ASCC3: variants seen among roughly 807,000 people sequenced by gnomAD.
ASCC3 encodes the protein activating signal cointegrator 1 complex subunit 3, also known as ASC-1 complex subunit P200.
In ASCC3, 158 loss-of-function variants were observed where a neutral mutation model predicts 256.3. The ratio of observed to expected loss-of-function variants is 0.62; its 90% confidence interval spans 0.54 to 0.70. The LOEUF (loss-of-function observed/expected upper bound fraction) is 0.70. Ranked by LOEUF, ASCC3 falls within the 30% of genes least tolerant of loss-of-function variation. The pLI is 0.00. For missense variants in ASCC3, 2,259 were observed against 2,626.0 expected (o/e 0.86, Z 3.05); for synonymous variants, 948 against 883.4 (o/e 1.07, Z -1.30).
At chr6:100,537,907 A>C (rs1033932608) in intron 37 of ASCC3, among the ~76,000 whole-genome samples, 3 of 150,184 alleles carry the variant, frequency 2.0e-5, no homozygotes, top group Non-Finnish European at 4.4e-5. Context: ...TATATACTGT[A>C]TAAATATATA....
chr6:100,830,028 G>C (rs939045142), intron 4 of ASCC3, among the ~76,000 whole-genome samples: 33 of 152,148 alleles, frequency 2.2e-4, no homozygotes, highest in African/African-American at 7.7e-4. Flanking sequence ...AGGCAGGACA[G>C]AGCAAGATGG....
chr6:100,785,984 A>T (rs756633239), intron 8 of ASCC3, among the ~76,000 whole-genome samples: 1 of 152,182 alleles, frequency 6.6e-6, no homozygotes, highest in Non-Finnish European at 1.5e-5. Context: ...AGAGAGGCAT[A>T]CCCTCTTCTT....
At chr6:100,770,488 GA>G (rs1303104792) in intron 8 of ASCC3, among the ~76,000 whole-genome samples, 1 of 118,100 alleles carries the variant, frequency 8.5e-6, no homozygotes, top group Non-Finnish European at 1.7e-5. Context: ...AGTGCAATTG[GA>G]AAAGGGGAAA....
intron 36 of ASCC3, among the ~76,000 whole-genome samples, chr6:100,583,212 G>T (rs1412057680): frequency 6.6e-6 from 1 of 152,126 alleles, no homozygotes; most frequent in Non-Finnish European, 1.5e-5. Flanking sequence ...AATCCATCTG[G>T]TCCTGGACTC....
At chr6:100,816,376 A>G (rs761872896) in intron 4 of ASCC3, among the ~76,000 whole-genome samples, 1 of 152,146 alleles carries the variant, frequency 6.6e-6, no homozygotes, top group African/African-American at 2.4e-5. Flanking sequence ...CTAAAAAAAA[A>G]CTACCACTCG....
chr6:100,769,635 C>T (rs1781829430), intron 8 of ASCC3, among the ~76,000 whole-genome samples: 1 of 150,986 alleles, frequency 6.6e-6, no homozygotes, highest in Admixed American at 6.6e-5. Flanking sequence ...TTATAAAGAT[C>T]AATGAAACAA....
chr6:100,747,174 G>A (rs1431597073), intron 10 of ASCC3, among the ~76,000 whole-genome samples: 7 of 149,768 alleles, frequency 4.7e-5, no homozygotes, highest in African/African-American at 2.4e-5. Context: ...AACATCATTA[G>A]TCATTGGGGA....
chr6:100,879,624 T>A (rs1236966822), intron 1 of ASCC3, among the ~76,000 whole-genome samples: 1 of 152,026 alleles, frequency 6.6e-6, no homozygotes, highest in African/African-American at 2.4e-5. Context: ...AAGTGAAGAC[T>A]GGAAAGAAAC....
chr6:100,718,841 A>G (rs1779199344), intron 11 of ASCC3, among the ~76,000 whole-genome samples: 1 of 152,148 alleles, frequency 6.6e-6, no homozygotes, highest in African/African-American at 2.4e-5. Context: ...AATTCCAAAA[A>G]CTAAAAATCA....
intron 14 of ASCC3, among the ~76,000 whole-genome samples, chr6:100,674,383 A>G (rs904493145): frequency 2.0e-5 from 3 of 152,024 alleles, no homozygotes; most frequent in African/African-American, 7.2e-5. Flanking sequence ...TTTAATAAGT[A>G]TACATATAAA....
Position 100,643,902 on chromosome 6 carries a change from A to T in ASCC3, c.3732+129T>A, listed in dbSNP as rs940522001. On this transcript the variant is annotated intron_variant, in intron 23 of 41. Transcript: ENST00000369162. ...TTAATCACTGTATTCTTTTAAAACT[A>T]ATAGGAAACTAAAACATAAAATAAA... The T allele has an allele frequency of 1.1e-5, 7 of 648,804 alleles. No homozygotes were observed. In the Admixed American group the frequency reaches 1.7e-4, roughly 16 times the overall value. The allele number at this position is 648,804 out of a possible 1,614,324, so 40.2% of individuals were successfully genotyped here. A position where few individuals can be genotyped will look rare whatever the true frequency, so the allele number is the denominator to read the frequency against.
intron 34 of ASCC3, among the ~76,000 whole-genome samples, chr6:100,601,545 A>G (rs1249756669): frequency 6.6e-6 from 1 of 152,090 alleles, no homozygotes; most frequent in African/African-American, 2.4e-5. Flanking sequence ...TAATGACTTC[A>G]GGTATCTCAT....
chr6:100,672,659 CATGTAACTGGTTGTTAA>C (rs1208909802), intron 14 of ASCC3, among the ~76,000 whole-genome samples: 10 of 152,118 alleles, frequency 6.6e-5, no homozygotes, highest in African/African-American at 2.4e-4. Flanking sequence ...TAATCACCAT[CATGTAACTGGTTGTTAA>C]ATTCAAGATC....
chr6:100,541,680 G>T (rs1775471875), intron 36 of ASCC3, among the ~76,000 whole-genome samples: 1 of 152,112 alleles, frequency 6.6e-6, no homozygotes, highest in Non-Finnish European at 1.5e-5. Context: ...CAGTACTCAA[G>T]AAGGTGAAAT....
chr6:100,793,034 G>T (rs1330801001), intron 8 of ASCC3, among the ~76,000 whole-genome samples: 2 of 151,882 alleles, frequency 1.3e-5, no homozygotes, highest in Non-Finnish European at 2.9e-5. Context: ...AACCCATGTG[G>T]AGTAGTAGTG....
chr6:100,795,995 A>G (rs1769592930), intron 8 of ASCC3, among the ~76,000 whole-genome samples: 2 of 152,196 alleles, frequency 1.3e-5, no homozygotes, highest in Non-Finnish European at 2.9e-5. Context: ...ATCTACAGTG[A>G]TATGATAGCA....
chr6:100,589,118 GTA>G (rs1476311236), intron 36 of ASCC3, among the ~76,000 whole-genome samples: 1 of 152,050 alleles, frequency 6.6e-6, no homozygotes, highest in Non-Finnish European at 1.5e-5. Context: ...AATGAACACA[GTA>G]TAGTTTTTTA....
chr6:100,560,962 C>T (rs548049200), intron 36 of ASCC3, among the ~76,000 whole-genome samples: 2 of 152,082 alleles, frequency 1.3e-5, no homozygotes, highest in East Asian at 1.9e-4. Context: ...ATTCACCAGA[C>T]ATTAAACTTC....
At chr6:100,643,709 A>G (rs1022597357) in intron 23 of ASCC3, among the ~76,000 whole-genome samples, 4 of 152,158 alleles carry the variant, frequency 2.6e-5, no homozygotes, top group African/African-American at 7.2e-5. Context: ...CACATATTTA[A>G]ACCTAGAAAA....
Sources: gnomAD v4.1 joint callset for allele counts (sites outside exome capture counted in the v4.1 genomes callset) on GRCh38, gnomAD v4.1.1 for gene constraint, MANE v1.5 for transcripts, NCBI Gene and HGNC (gene_info 2026-07-23, HGNC 2026-07-21) for gene names.